Variants in EYS observed in about 807,000 individuals in gnomAD.
EYS encodes the protein EGF-like photoreceptor maintenance factor.
Under a neutral mutation model 282.1 loss-of-function variants are expected in EYS, and 250 were observed. That is an observed-to-expected ratio of 0.89 (90% confidence interval 0.80 to 0.98). The LOEUF (loss-of-function observed/expected upper bound fraction) is 0.98. Ranked by LOEUF, EYS falls within the 50% of genes least tolerant of loss-of-function variation. The pLI is 0.00. For synonymous variants in EYS, 1,355 were observed against 1,282.9 expected, an observed-to-expected ratio of 1.06 and a Z score of -1.20; for missense variants, 4,016 against 3,709.0, an observed-to-expected ratio of 1.08 and a Z score of -2.15.
chr6:64,184,437 C>G (rs559305862), intron 31 of EYS, among the ~76,000 whole-genome samples: 4 of 152,050 alleles, frequency 2.6e-5, no homozygotes, highest in South Asian at 2.1e-4. Flanking sequence ...TAGCAAAAGG[C>G]TAGCATGTTA....
chr6:63,945,004 A>T (rs1765353905), intron 35 of EYS, among the ~76,000 whole-genome samples: 1 of 152,216 alleles, frequency 6.6e-6, no homozygotes, highest in South Asian at 2.1e-4. Flanking sequence ...TTAGTAAAAA[A>T]AAATATTGTC....
chr6:64,730,463 A>C (rs1309299035), intron 22 of EYS, among the ~76,000 whole-genome samples: 1 of 152,098 alleles, frequency 6.6e-6, no homozygotes, highest in Admixed American at 6.6e-5. Flanking sequence ...AGAAGAGCAC[A>C]AACAACTTTT....
chr6:65,194,183 G>A (rs1054468404), intron 12 of EYS, among the ~76,000 whole-genome samples: 1 of 151,816 alleles, frequency 6.6e-6, no homozygotes, highest in Non-Finnish European at 1.5e-5. Flanking sequence ...GATCTCTGTA[G>A]TTCATTTGTC....
chr6:64,253,575 G>A (rs1465795198), intron 30 of EYS, among the ~76,000 whole-genome samples: 3 of 152,118 alleles, frequency 2.0e-5, no homozygotes, highest in Non-Finnish European at 4.4e-5. Context: ...AGAGACCATG[G>A]CAAGCACCAG....
At chr6:64,069,012 A>G (rs1771477136) in intron 32 of EYS, among the ~76,000 whole-genome samples, 1 of 152,080 alleles carries the variant, frequency 6.6e-6, no homozygotes, top group African/African-American at 2.4e-5. Context: ...GGAGAAGGCC[A>G]TGTGACTACA....
At chr6:65,370,388 C>A (rs1198877560) in intron 8 of EYS, among the ~76,000 whole-genome samples, 3 of 149,262 alleles carry the variant, frequency 2.0e-5, no homozygotes, top group Non-Finnish European at 3.0e-5. Context: ...CCCAAGTAGC[C>A]AGGACTATGG....
intron 2 of EYS, among the ~76,000 whole-genome samples, chr6:65,611,607 T>C (rs1196308393): frequency 6.6e-6 from 1 of 152,120 alleles, no homozygotes; most frequent in Non-Finnish European, 1.5e-5. Context: ...TTAAATATTA[T>C]ATTTACAAAT....
chr6:64,145,854 C>A (rs116593223), intron 31 of EYS, among the ~76,000 whole-genome samples: 2 of 152,104 alleles, frequency 1.3e-5, no homozygotes, highest in Non-Finnish European at 2.9e-5. Flanking sequence ...ATAGCCATGA[C>A]TCAAGGTGAA....
intron 1 of EYS, among the ~76,000 whole-genome samples, chr6:65,681,673 G>T (rs1231037184): frequency 6.6e-6 from 1 of 151,864 alleles, no homozygotes; most frequent in Non-Finnish European, 1.5e-5. Flanking sequence ...TTAACAGGCA[G>T]CATAAATATC....
At chr6:64,554,395 T>G (rs774522918) in intron 26 of EYS, among the ~76,000 whole-genome samples, 12 of 151,986 alleles carry the variant, frequency 7.9e-5, no homozygotes, top group African/African-American at 1.2e-4. Flanking sequence ...ATGAGTCAAT[T>G]AGGTATAGAA....
intron 35 of EYS, among the ~76,000 whole-genome samples, chr6:63,879,403 G>A (rs1315646391): frequency 6.6e-6 from 1 of 152,032 alleles, no homozygotes; most frequent in Non-Finnish European, 1.5e-5. Flanking sequence ...GAGAGGGAGA[G>A]GCTACTGAAG....
intron 35 of EYS, among the ~76,000 whole-genome samples, chr6:63,933,634 A>C (rs940093839): frequency 6.6e-6 from 1 of 151,884 alleles, no homozygotes; most frequent in Non-Finnish European, 1.5e-5. Context: ...GAAAGTCCCA[A>C]CCCTCTAATC....
chr6:64,528,002 CAT>C (rs1033780158), intron 26 of EYS, among the ~76,000 whole-genome samples: 3 of 151,558 alleles, frequency 2.0e-5, no homozygotes, highest in African/African-American at 7.3e-5. Context: ...AAGTATATCA[CAT>C]ATATATGGAT....
intron 31 of EYS, among the ~76,000 whole-genome samples, chr6:64,084,749 G>A (rs535330198): frequency 3.3e-5 from 5 of 152,060 alleles, no homozygotes; most frequent in Non-Finnish European, 7.4e-5. Flanking sequence ...AATGTAATAC[G>A]GAAAGTTTTC....
intron 22 of EYS, among the ~76,000 whole-genome samples, chr6:64,756,315 C>T (rs576384943): frequency 2.2e-4 from 33 of 152,224 alleles, no homozygotes; most frequent in African/African-American, 7.0e-4. Flanking sequence ...CATTAACTTT[C>T]CATTTAATGT....
intron 26 of EYS, among the ~76,000 whole-genome samples, chr6:64,441,241 T>C (rs1367745346): frequency 6.6e-6 from 1 of 152,126 alleles, no homozygotes; most frequent in Non-Finnish European, 1.5e-5. Flanking sequence ...GGACCAATAA[T>C]TAACAATAAA....
intron 1 of EYS, among the ~76,000 whole-genome samples, chr6:65,675,149 A>G (rs9345670): frequency 0.046 from 7,049 of 152,006 alleles, 425 homozygotes; most frequent in East Asian, 0.32. Context: ...AAACACTGAC[A>G]GTATAAAAGT....
intron 5 of EYS, among the ~76,000 whole-genome samples, chr6:65,447,752 A>G (rs12197452): frequency 0.18 from 28,087 of 151,946 alleles, 3,232 homozygotes; most frequent in Middle Eastern, 0.3. Context: ...TGTGTTTTGC[A>G]GATGCAGAGA....
At chr6:63,869,421 T>C (rs757642467) in intron 35 of EYS, among the ~76,000 whole-genome samples, 1 of 152,104 alleles carries the variant, frequency 6.6e-6, no homozygotes, top group Non-Finnish European at 1.5e-5. Flanking sequence ...ATAAACTTCA[T>C]TGGTAAAGAA....
Sources: gnomAD v4.1 joint callset for allele counts (sites outside exome capture counted in the v4.1 genomes callset) on GRCh38, gnomAD v4.1.1 for gene constraint, MANE v1.5 for transcripts, NCBI Gene and HGNC (gene_info 2026-07-23, HGNC 2026-07-21) for gene names.